SGCG: variants seen among roughly 807,000 people sequenced by gnomAD.
The protein encoded by SGCG is sarcoglycan gamma.
SGCG carries 26 observed loss-of-function variants against 29.3 expected under a neutral mutation model. That is an observed-to-expected ratio of 0.89 (90% CI 0.65 to 1.23). SGCG has a LOEUF of 1.23. Among genes scored for constraint, SGCG ranks in the 50% most tolerant of loss-of-function variants. The probability of loss-of-function intolerance (pLI) is 0.00; values close to 1 mark genes in which losing one functional copy is unlikely to be tolerated. For synonymous variants in SGCG, 145 were observed against 129.7 expected (o/e 1.12, Z -0.80); for missense variants, 353 against 356.0 (o/e 0.99, Z 0.07).
chr13:23,252,122 A>G (rs1362812678), intron 4 of SGCG, among the ~76,000 whole-genome samples: 1 of 152,194 alleles, frequency 6.6e-6, no homozygotes, highest in Non-Finnish European at 1.5e-5. Context: ...TTTTTCCTGC[A>G]TATACGTTCT....
the SGCG span, among the ~76,000 whole-genome samples, chr13:23,168,810 C>T: frequency 6.6e-6 from 1 of 152,174 alleles, no homozygotes; most frequent in Non-Finnish European, 1.5e-5. Flanking sequence ...TATTAATATG[C>T]ACTCCATTGT....
the SGCG span, among the ~76,000 whole-genome samples, chr13:23,171,150 A>C: frequency 6.6e-6 from 1 of 152,228 alleles, no homozygotes; most frequent in East Asian, 1.9e-4. Context: ...TACATGTATC[A>C]TAATCTGTAA....
intron 6 of SGCG, among the ~76,000 whole-genome samples, chr13:23,318,565 G>A (rs553498): frequency 0.95 from 143,827 of 152,018 alleles, 68,118 homozygotes; most frequent in Middle Eastern, 0.98. Flanking sequence ...TAATATTTAT[G>A]TATTTACCTA....
At chr13:23,253,269 C>T (rs892406947) in intron 4 of SGCG, among the ~76,000 whole-genome samples, 9 of 152,224 alleles carry the variant, frequency 5.9e-5, no homozygotes, top group African/African-American at 1.9e-4. Flanking sequence ...AAATAAGTTA[C>T]ACATCAAAAT....
At chr13:23,286,415 A>G (rs995246546) in intron 5 of SGCG, among the ~76,000 whole-genome samples, 4 of 152,222 alleles carry the variant, frequency 2.6e-5, no homozygotes, top group Non-Finnish European at 4.4e-5. Context: ...CATGATGATG[A>G]CATGATAGTC....
chr13:23,238,046 AT>A (rs1879377113), intron 3 of SGCG, among the ~76,000 whole-genome samples: 1 of 152,196 alleles, frequency 6.6e-6, no homozygotes, highest in Non-Finnish European at 1.5e-5. Flanking sequence ...AAAAAAATAT[AT>A]GAAACAGTGG....
At chr13:23,293,341 A>T (rs1207184314) in intron 5 of SGCG, among the ~76,000 whole-genome samples, 1 of 152,184 alleles carries the variant, frequency 6.6e-6, no homozygotes, top group East Asian at 1.9e-4. Flanking sequence ...TTGTAATTTT[A>T]AAATTTCACT....
intron 7 of SGCG, among the ~76,000 whole-genome samples, chr13:23,322,211 T>A (rs1255832127): frequency 6.6e-6 from 1 of 152,156 alleles, no homozygotes; most frequent in Non-Finnish European, 1.5e-5. Flanking sequence ...ATGCCACCAT[T>A]GCCTGACAGA....
intron 6 of SGCG, among the ~76,000 whole-genome samples, chr13:23,313,006 C>T (rs1882662654): frequency 1.3e-5 from 2 of 152,092 alleles, no homozygotes; most frequent in South Asian, 4.2e-4. Context: ...ATTGATAATC[C>T]TCTGAACTGT....
Position 23,188,502 on chromosome 13 carries a change from T to TGGGGG in SGCG, c.-1+7430_-1+7431insGGGGG, listed in dbSNP as rs1555233345. On this transcript the variant is annotated intron_variant, in intron 1 of 7. Transcript: ENST00000218867. ...CTAATTTTTTTTTTTTTTTTTTTTTTGGGACAGGTATTCACCATGTTGGTC... is the reference window on the plus strand; with the variant it reads ...CTAATTTTTTTTTTTTTTTTTTTTTTGGGGGGGGACAGGTATTCACCATGTTGGTC... Among the ~76,000 whole-genome samples, 2 of 140,866 alleles carry TGGGGG rather than the reference T, an allele frequency of 1.4e-5. 1 individual carries two copies. 92.4% of individuals were successfully genotyped at this position (140,866 alleles called of 152,430 possible). A position where few individuals can be genotyped will look rare whatever the true frequency, so the allele number is the denominator to read the frequency against.
chr13:23,180,761 CTTGTTTGT>C (rs1231933418), upstream of SGCG, among the ~76,000 whole-genome samples: 1 of 152,026 alleles, frequency 6.6e-6, no homozygotes. Context: ...AGTTTGGTTT[CTTGTTTGT>C]TTGTTTGTTT....
chr13:23,169,065 T>A, the SGCG span, among the ~76,000 whole-genome samples: 1 of 151,478 alleles, frequency 6.6e-6, no homozygotes, highest in Admixed American at 6.6e-5. Context: ...ATATATTTTT[T>A]AAATTTAGAA....
chr13:23,311,692 G>A (rs531463309), intron 6 of SGCG, among the ~76,000 whole-genome samples: 12 of 152,294 alleles, frequency 7.9e-5, no homozygotes, highest in South Asian at 4.1e-4. Context: ...CCTCATGTGC[G>A]TATTCAGGAT....
intron 1 of SGCG, 112 bp from the exon 2 acceptor site, chr13:23,203,583 T>C: frequency 3.9e-6 from 3 of 760,600 alleles, no homozygotes; most frequent in Non-Finnish European, 7.0e-6. Context: ...AATCTATGAC[T>C]GGGATGAAAA....
chr13:23,205,169 T>C (rs1877938794), intron 2 of SGCG, among the ~76,000 whole-genome samples: 1 of 152,188 alleles, frequency 6.6e-6, no homozygotes, highest in Non-Finnish European at 1.5e-5. Flanking sequence ...ATTCATAAAA[T>C]CACTATTTCT....
intron 2 of SGCG, chr13:23,217,294 G>C (rs1878468002): frequency 6.6e-6 from 1 of 151,892 alleles, no homozygotes; most frequent in African/African-American, 2.4e-5. Context: ...CTACCTTTCT[G>C]TTGCCTCTTT....
chr13:23,249,473 C>CT (rs1879874198), intron 3 of SGCG, among the ~76,000 whole-genome samples: 1 of 152,126 alleles, frequency 6.6e-6, no homozygotes, highest in Non-Finnish European at 1.5e-5. Context: ...GAGGAATTTG[C>CT]TTTTTCAGTT....
chr13:23,174,081 A>T, the SGCG span, among the ~76,000 whole-genome samples: 1 of 152,206 alleles, frequency 6.6e-6, no homozygotes, highest in Non-Finnish European at 1.5e-5. Context: ...CAAAAGTGTC[A>T]GACAATCTGC....
At chr13:23,275,166 T>C (rs987735834) in intron 4 of SGCG, among the ~76,000 whole-genome samples, 3 of 145,008 alleles carry the variant, frequency 2.1e-5, no homozygotes, top group African/African-American at 7.5e-5. Flanking sequence ...TTGTTTAACC[T>C]TTACAATGAT....
Sources: gnomAD v4.1 joint callset for allele counts (sites outside exome capture counted in the v4.1 genomes callset) on GRCh38, gnomAD v4.1.1 for gene constraint, MANE v1.5 for transcripts, NCBI Gene and HGNC (gene_info 2026-07-23, HGNC 2026-07-21) for gene names.